Variants in CACNA1C observed in about 807,000 individuals in gnomAD.
The protein encoded by CACNA1C is voltage-dependent L-type calcium channel subunit alpha-1C.
In CACNA1C, 30 loss-of-function variants were observed where a neutral mutation model predicts 229.0. The observed-to-expected ratio is 0.13, with a 90% confidence interval of 0.10 to 0.18. CACNA1C has a LOEUF of 0.18. Among genes scored for constraint, CACNA1C ranks in the 10% least tolerant of loss-of-function variants. The pLI, the probability that CACNA1C is intolerant of heterozygous loss-of-function variation, is 1.00. For synonymous variants in CACNA1C, 1,114 were observed against 1,132.5 expected, an observed-to-expected ratio of 0.98 and a Z score of 0.33; for missense variants, 1,658 against 2,845.0, an observed-to-expected ratio of 0.58 and a Z score of 9.49.
intron 13 of CACNA1C, among the ~76,000 whole-genome samples, chr12:2,577,932 G>T (rs997315700): frequency 6.7e-6 from 1 of 150,072 alleles, no homozygotes; most frequent in Non-Finnish European, 1.5e-5. Context: ...GCAGTGGCGC[G>T]ATCTCGGCTC....
chr12:2,688,809 G>A, intron 46 of CACNA1C, 30 bp downstream of exon 46: 1 of 1,447,940 alleles, frequency 6.9e-7, no homozygotes, highest in Non-Finnish European at 9.1e-7. Context: ...GCAGGGGGGA[G>A]AGGCCACGGG....
intron 3 of CACNA1C, among the ~76,000 whole-genome samples, chr12:2,242,819 G>A (rs139564542): frequency 5.8e-4 from 88 of 152,310 alleles, no homozygotes; most frequent in Non-Finnish European, 8.8e-4. Flanking sequence ...GTACAGCTGT[G>A]TGGCTTGTAG....
rs967510135 is a variant in CACNA1C, at chr12:2,565,075, G to A, written c.1509-1347G>A. On this transcript the variant is annotated intron_variant, in intron 11 of 46. Coordinates refer to ENST00000399655, the MANE Select transcript of CACNA1C (RefSeq NM_000719.7). ...TTCTCTGTATCAGGAAAATGAAAACGCCTCCACCATAGAATCTTAAAATGT... is the reference window on the plus strand; with the variant it reads ...TTCTCTGTATCAGGAAAATGAAAACACCTCCACCATAGAATCTTAAAATGT... Among the ~76,000 whole-genome samples the A allele has an allele frequency of 2.6e-5, 4 of 152,224 alleles. No homozygotes were observed. In the East Asian group the frequency reaches 5.8e-4, roughly 22 times the overall value.
At chr12:2,363,580 C>T (rs2097633759) in intron 3 of CACNA1C, among the ~76,000 whole-genome samples, 1 of 152,134 alleles carries the variant, frequency 6.6e-6, no homozygotes, top group Non-Finnish European at 1.5e-5. Context: ...CCACAGTGCC[C>T]ACCCCACCCC....
chr12:2,309,565 C>T (rs2095306275), intron 3 of CACNA1C, among the ~76,000 whole-genome samples: 1 of 152,110 alleles, frequency 6.6e-6, no homozygotes, highest in Non-Finnish European at 1.5e-5. Flanking sequence ...TCACAGTGTA[C>T]ACATAAATCA....
rs59258094 is a variant in CACNA1C at position 2,277,362 on chromosome 12, G to GAC, written c.477+156997_477+156998dup. On this transcript the variant is annotated intron_variant, in intron 3 of 46. Coordinates refer to ENST00000399655, the MANE Select transcript of CACNA1C (RefSeq NM_000719.7). ...AGACAGACAGACAGACAGACAGACA[G>GAC]ACACACACACACACACACACACACA... Among the ~76,000 whole-genome samples the GAC allele has an allele frequency of 2.9e-3, 213 of 72,206 alleles. 3 individuals are homozygous for GAC. Among genetic ancestry groups the GAC allele is most frequent in the East Asian group, 0.025 (69 of 2,714 alleles). The allele number at this position is 72,206 out of a possible 152,430, so 47.4% of individuals were successfully genotyped here. A position where few individuals can be genotyped will look rare whatever the true frequency, so the allele number is the denominator to read the frequency against.
At chr12:2,175,040 C>T (rs76166822) in intron 3 of CACNA1C, among the ~76,000 whole-genome samples, 21,882 of 146,776 alleles carry the variant, frequency 0.15, 2,084 homozygotes, top group East Asian at 0.47. Context: ...AAGTGACCCA[C>T]GCTGTTCAAA....
At chr12:2,157,582 A>G (rs187772643) in intron 3 of CACNA1C, among the ~76,000 whole-genome samples, 33 of 152,370 alleles carry the variant, frequency 2.2e-4, no homozygotes, top group African/African-American at 7.9e-4. Context: ...TAAAGAGGAC[A>G]GCCCTAAGGG....
chr12:2,428,908 T>C (rs931961899), intron 3 of CACNA1C, among the ~76,000 whole-genome samples: 2 of 152,186 alleles, frequency 1.3e-5, no homozygotes, highest in African/African-American at 2.4e-5. Context: ...GTCCTTGTGT[T>C]AGTTACTTAA....
chr12:2,468,852 C>T (rs1183120552), intron 5 of CACNA1C, among the ~76,000 whole-genome samples: 2 of 152,224 alleles, frequency 1.3e-5, no homozygotes, highest in African/African-American at 4.8e-5. Flanking sequence ...TCCTCACCTG[C>T]AAAATGGGAG....
In CACNA1C at chr12:2,601,389, C is replaced by A. The variant is rs2072103042; in HGVS notation, c.2854-465C>A. On this transcript the variant is annotated intron_variant, in intron 21 of 46. Coordinates refer to ENST00000399655, the MANE Select transcript of CACNA1C (RefSeq NM_000719.7). This position sits in a 1 kb window ranked among gnomAD's most constrained non-coding sequence, Gnocchi z 5.9. ...TGGTCACCCTGCTGGGCATGCCCCG[C>A]CCCCCAACCCACCCACTCACGGCAG... Among the ~76,000 whole-genome samples the A allele has an allele frequency of 6.6e-6, 1 of 152,030 alleles. No individual in the cohort carries two copies. The highest frequency in any genetic ancestry group is 2.4e-5 in the African/African-American group (1 of 41,390).
intron 18 of CACNA1C, among the ~76,000 whole-genome samples, chr12:2,590,729 G>A (rs1272549273): frequency 6.6e-6 from 1 of 152,182 alleles, no homozygotes; most frequent in Non-Finnish European, 1.5e-5. Context: ...TTTTCCATTA[G>A]GAAGTTCGAA....
chr12:2,592,796 T>G (rs1368848941), intron 18 of CACNA1C, among the ~76,000 whole-genome samples: 1 of 151,642 alleles, frequency 6.6e-6, no homozygotes, highest in Non-Finnish European at 1.5e-5. Flanking sequence ...TTGCAAGGGA[T>G]TCCACAAGCC....
intron 38 of CACNA1C, chr12:2,674,334 GGGAA>G (rs886764840): frequency 1.3e-5 from 9 of 710,616 alleles, no homozygotes; most frequent in Admixed American, 6.1e-5. Flanking sequence ...AGAGGGAAGG[GGGAA>G]GGAAGGAAGG....
At chr12:2,259,695 T>C (rs1341161336) in intron 3 of CACNA1C, among the ~76,000 whole-genome samples, 2 of 152,154 alleles carry the variant, frequency 1.3e-5, no homozygotes, top group Non-Finnish European at 2.9e-5. Context: ...AGCTATACGT[T>C]TTGTTTTGTT....
intron 3 of CACNA1C, among the ~76,000 whole-genome samples, chr12:2,289,955 G>A (rs1362461856): frequency 6.6e-6 from 1 of 152,366 alleles, no homozygotes; most frequent in African/African-American, 2.4e-5. Flanking sequence ...TGCAGATGCT[G>A]AAGGAGAGAA....
chr12:1,997,941 T>A, intron 1 of CACNA1C: 4 of 1,608,214 alleles, frequency 2.5e-6, no homozygotes, highest in Non-Finnish European at 3.4e-6. Flanking sequence ...TTACCTTGTA[T>A]AAACAAATAA....
At chr12:2,252,420 A>C (rs147296006) in intron 3 of CACNA1C, among the ~76,000 whole-genome samples, 1 of 152,300 alleles carries the variant, frequency 6.6e-6, no homozygotes, top group East Asian at 1.9e-4. Flanking sequence ...GTTGTAGGAC[A>C]GTGTAGAAAG....
intron 3 of CACNA1C, among the ~76,000 whole-genome samples, chr12:2,297,203 CTCTA>C (rs1214308230): frequency 3.3e-5 from 5 of 152,222 alleles, no homozygotes; most frequent in African/African-American, 1.2e-4. Flanking sequence ...GTCATCAACT[CTCTA>C]GGGACAGGAG....
Sources: allele counts gnomAD v4.1 joint callset (sites outside exome capture counted in the v4.1 genomes callset), GRCh38; gene constraint gnomAD v4.1.1; non-coding constraint Gnocchi (gnomAD v3.1); transcripts MANE v1.5; gene names NCBI Gene and HGNC (gene_info 2026-07-23, HGNC 2026-07-21).